CEP85L: variants seen among roughly 807,000 people sequenced by gnomAD.
CEP85L encodes the protein centrosomal protein of 85 kDa-like.
Under a neutral mutation model 100.3 loss-of-function variants are expected in CEP85L, and 60 were observed. The ratio of observed to expected loss-of-function variants is 0.60; its 90% CI spans 0.49 to 0.74. The LOEUF (loss-of-function observed/expected upper bound fraction) is 0.74. Ranked by LOEUF, CEP85L falls within the 30% of genes least tolerant of loss-of-function variation. CEP85L has a pLI of 0.00. For missense variants in CEP85L, 973 were observed against 936.2 expected (o/e 1.04, Z -0.51); for synonymous variants, 319 against 322.7 (o/e 0.99, Z 0.12).
intron 2 of CEP85L, among the ~76,000 whole-genome samples, chr6:118,624,509 AT>A (rs1201025406): frequency 6.6e-6 from 1 of 151,986 alleles, no homozygotes; most frequent in Non-Finnish European, 1.5e-5. Flanking sequence ...CCACCTCTTC[AT>A]CCCTCCCCAA....
chr6:118,557,507 T>C (rs60881635), intron 3 of CEP85L, among the ~76,000 whole-genome samples: 1,970 of 152,294 alleles, frequency 0.013, 51 homozygotes, highest in African/African-American at 0.045. Flanking sequence ...TGTGGGACTC[T>C]GGTTTCCTCC....
At chr6:118,559,648 T>C (rs554698802) in intron 3 of CEP85L, 1 of 169,256 alleles carries the variant, frequency 5.9e-6, no homozygotes, top group East Asian at 1.9e-4. Context: ...ACAGAAATTG[T>C]ATTTTTTCTA....
At chr6:118,609,540 G>T (rs1404208646) in intron 2 of CEP85L, among the ~76,000 whole-genome samples, 1 of 151,856 alleles carries the variant, frequency 6.6e-6, no homozygotes, top group African/African-American at 2.4e-5. Context: ...ATGACAACAG[G>T]ACTTCTGGTT....
chr6:118,700,792 A>G (rs1424335113), intron 1 of CEP85L, among the ~76,000 whole-genome samples: 1 of 152,206 alleles, frequency 6.6e-6, no homozygotes, highest in Non-Finnish European at 1.5e-5. Flanking sequence ...TCAGACAGGA[A>G]GGCTCATTGG....
intron 1 of CEP85L, among the ~76,000 whole-genome samples, chr6:118,642,494 A>G (rs569496502): frequency 2.6e-5 from 4 of 152,336 alleles, no homozygotes; most frequent in East Asian, 3.9e-4. Flanking sequence ...AATTAAACTT[A>G]AGCAGTCACT....
At chr6:118,660,832 G>C (rs1246655162) in intron 1 of CEP85L, among the ~76,000 whole-genome samples, 1 of 152,070 alleles carries the variant, frequency 6.6e-6, no homozygotes, top group Non-Finnish European at 1.5e-5. Flanking sequence ...AAACATATTT[G>C]AGGATAAGGA....
chr6:118,478,038 C>T (rs939684245), intron 10 of CEP85L, among the ~76,000 whole-genome samples: 1 of 152,002 alleles, frequency 6.6e-6, no homozygotes, highest in Admixed American at 6.6e-5. Flanking sequence ...AATCAGGCAG[C>T]TTTAAGGAAG....
intron 1 of CEP85L, among the ~76,000 whole-genome samples, chr6:118,635,590 TGA>T (rs1774443276): frequency 1.3e-5 from 2 of 152,236 alleles, no homozygotes; most frequent in African/African-American, 4.8e-5. Context: ...CATTTGATTC[TGA>T]GATTAGAAAC....
At position 118,461,556 on chromosome 6, in the gene CEP85L, G is replaced by A. The variant is rs1772234018; in HGVS notation, c.*3849C>T. 1 of 151,984 alleles carries A rather than the reference G, an allele frequency of 6.6e-6. No homozygotes were observed. The highest frequency in any genetic ancestry group is 2.4e-5 in the African/African-American group (1 of 41,416). The allele number at this position is 151,984 out of a possible 1,614,324, so 9.4% of individuals were successfully genotyped here. ...GTTCTCTCTGTGTACAGCTGCAATA[G>A]TGTTATTAGACTTGCTGATTTAAAA... On this transcript the variant is annotated 3_prime_UTR_variant, in exon 13 of 13. Coordinates refer to ENST00000368491, the MANE Select transcript of CEP85L (RefSeq NM_001042475.3).
At position 118,691,145 on chromosome 6, in the gene CEP85L, T is replaced by C. The variant is rs1777029914; in HGVS notation, c.-28+18891A>G. ...AAATGACAAAGGAGGCCAGGCGTGG[T>C]GGCTCATGCCTGTAATCCCGACACT... is the stretch of plus-strand genomic sequence containing the variant. On this transcript the variant is annotated intron_variant, in intron 1 of 13. Coordinates refer to the CEP85L transcript ENST00000368488. 2.0e-5 allele frequency among the ~76,000 whole-genome samples: 3 copies of C among 152,316 alleles called. No individual in the cohort carries two copies. In the South Asian group the frequency reaches 6.2e-4, roughly 32 times the overall value.
At chr6:118,587,958 G>C (rs1434028171) in intron 2 of CEP85L, among the ~76,000 whole-genome samples, 1 of 152,156 alleles carries the variant, frequency 6.6e-6, no homozygotes, top group Non-Finnish European at 1.5e-5. Flanking sequence ...ATCCCTTCAA[G>C]GAACAGGGCT....
chr6:118,507,744 C>G (rs966611179), intron 5 of CEP85L, among the ~76,000 whole-genome samples: 4 of 152,168 alleles, frequency 2.6e-5, no homozygotes, highest in African/African-American at 7.2e-5. Context: ...TCCTTCACCC[C>G]CTTCACCTGG....
At chr6:118,506,539 C>G (rs1278967279) in intron 5 of CEP85L, among the ~76,000 whole-genome samples, 1 of 152,196 alleles carries the variant, frequency 6.6e-6, no homozygotes, top group African/African-American at 2.4e-5. Flanking sequence ...TAACCCTAAG[C>G]CTTTTGCTTT....
intron 1 of CEP85L, among the ~76,000 whole-genome samples, chr6:118,697,439 T>G (rs1430417277): frequency 6.6e-6 from 1 of 152,168 alleles, no homozygotes; most frequent in Non-Finnish European, 1.5e-5. Context: ...GCTGGAAAAA[T>G]CAAGGACGAT....
intron 1 of CEP85L, among the ~76,000 whole-genome samples, chr6:118,676,128 A>G (rs1776474311): frequency 6.6e-6 from 1 of 152,164 alleles, no homozygotes; most frequent in Non-Finnish European, 1.5e-5. Context: ...TAATAATTGT[A>G]TATATTTATG....
At chr6:118,687,184 A>G (rs1776863029) in intron 1 of CEP85L, among the ~76,000 whole-genome samples, 1 of 152,156 alleles carries the variant, frequency 6.6e-6, no homozygotes, top group African/African-American at 2.4e-5. Flanking sequence ...GAAGCTTTTG[A>G]TGGCTGCCCT....
At chr6:118,519,323 G>A (rs1329121686) in intron 4 of CEP85L, among the ~76,000 whole-genome samples, 4 of 151,618 alleles carry the variant, frequency 2.6e-5, no homozygotes, top group East Asian at 1.9e-4. Flanking sequence ...GTGTGGTCGC[G>A]GGCTACTGGG....
chr6:118,485,521 T>C (rs961016360), intron 6 of CEP85L, among the ~76,000 whole-genome samples: 19 of 152,224 alleles, frequency 1.2e-4, no homozygotes, highest in Non-Finnish European at 8.8e-5. Flanking sequence ...ATTGGGGCTT[T>C]CTTAGGATTA....
chr6:118,573,127 A>G (rs547212110), intron 2 of CEP85L, among the ~76,000 whole-genome samples: 5 of 152,214 alleles, frequency 3.3e-5, no homozygotes, highest in Admixed American at 6.5e-5. Context: ...TCACAGCTGC[A>G]GAGCAGGACT....
Sources: allele counts gnomAD v4.1 joint callset (sites outside exome capture counted in the v4.1 genomes callset), GRCh38; gene constraint gnomAD v4.1.1; transcripts MANE v1.5; gene names NCBI Gene and HGNC (gene_info 2026-07-23, HGNC 2026-07-21).